The following DHX57 variants were observed in gnomAD, a reference collection of about 807,000 sequenced individuals.
DHX57 encodes the protein putative ATP-dependent RNA helicase DHX57.
Under a neutral mutation model 156.2 loss-of-function variants are expected in DHX57, and 105 were observed. The observed-to-expected ratio is 0.67, with a 90% CI of 0.57 to 0.79. DHX57 has a LOEUF of 0.79. DHX57 is among the 30% of genes least tolerant of loss of function. The pLI, the probability that DHX57 is intolerant of heterozygous loss-of-function variation, is 0.00. For synonymous variants in DHX57, 704 were observed against 595.6 expected, an observed-to-expected ratio of 1.18 and a Z score of -2.65; for missense variants, 1,847 against 1,661.9, an observed-to-expected ratio of 1.11 and a Z score of -1.94.
At chr2:38,850,898 A>G (rs1672552704) in intron 9 of DHX57, among the ~76,000 whole-genome samples, 1 of 151,986 alleles carries the variant, frequency 6.6e-6, no homozygotes, top group Non-Finnish European at 1.5e-5. Flanking sequence ...AACATGGTGA[A>G]ACTCCGACTC....
Position 38,861,779 on chromosome 2 carries a change from C to T in DHX57, c.631G>A (p.Gly211Arg), listed in dbSNP as rs1673235769. The change falls in exon 5 of 24, where the codon GGA becomes AGA. Residue 211 changes from glycine (G) to arginine (R), a missense_variant. Gly to Arg is a moderately radical substitution (Grantham distance 125, BLOSUM62 -2). Transcript: ENST00000457308. ...AVLRMCDGDV[G>R]ASLEHLLTQC... Reference sequence around the variant, plus strand: ...GTAAGGAGATGCTCTAGTGATGCTCCCACATCTCCATCACACATCCTCAGG... The same window carrying T: ...GTAAGGAGATGCTCTAGTGATGCTCTCACATCTCCATCACACATCCTCAGG... 11 of 1,613,952 alleles carry T rather than the reference C, an allele frequency of 6.8e-6. No individual in the cohort carries two copies. Among genetic ancestry groups the T allele is most frequent in the Non-Finnish European group, 7.6e-6 (9 of 1,179,926 alleles).
At position 38,843,001 on chromosome 2, in the gene DHX57, T is replaced by C. The variant is rs1021195022; in HGVS notation, c.2425+4A>G. On this transcript the variant is annotated splice_donor_region_variant and intron_variant, in intron 12 of 23. Transcript: ENST00000457308. ...TTATAATATTCCCCCAAGAGGCATG[T>C]TACCTTTATAGCGGGCCAGGAGCTG... 6.2e-7 allele frequency: 1 copy of C among 1,613,828 alleles called. No individual in the cohort carries two copies. The highest frequency in any genetic ancestry group is 8.5e-7 in the Non-Finnish European group (1 of 1,179,698).
intron 2 of DHX57, among the ~76,000 whole-genome samples, chr2:38,865,627 A>T (rs1196782224): frequency 6.6e-6 from 1 of 152,160 alleles, no homozygotes; most frequent in Non-Finnish European, 1.5e-5. Context: ...AGGATATCTA[A>T]CACCTCACAC....
chr2:38,823,616 A>T (rs992336642), intron 16 of DHX57, among the ~76,000 whole-genome samples: 3 of 152,190 alleles, frequency 2.0e-5, no homozygotes, highest in African/African-American at 7.2e-5. Context: ...TGCAGCCACT[A>T]TGAAAAACAG....
chr2:38,821,454 G>A (rs2148556797), intron 17 of DHX57, among the ~76,000 whole-genome samples: 1 of 152,280 alleles, frequency 6.6e-6, no homozygotes, highest in Non-Finnish European at 1.5e-5. Flanking sequence ...CCAGCACTTT[G>A]GGAGGCTGAG....
intron 5 of DHX57, among the ~76,000 whole-genome samples, chr2:38,859,429 G>T (rs1223716395): frequency 2.0e-5 from 3 of 152,054 alleles, no homozygotes; most frequent in Non-Finnish European, 4.4e-5. Flanking sequence ...GTTTCTTTTG[G>T]GGTTGATGAT....
rs1366077909 is a variant in DHX57 at position 38,868,500 on chromosome 2, T to G, written c.-6-89A>C. ...GCCAAACTTATGAATATAGGCTACTTTAAAGAAACAAAGGAAAATGCATAT... is the reference window on the plus strand; with the variant it reads ...GCCAAACTTATGAATATAGGCTACTGTAAAGAAACAAAGGAAAATGCATAT... On this transcript the variant is annotated intron_variant, in intron 1 of 23. Transcript: ENST00000457308. 3 of 1,306,990 alleles carry G rather than the reference T, an allele frequency of 2.3e-6. No homozygotes were observed. In the African/African-American group the frequency reaches 4.4e-5, roughly 19 times the overall value. The allele number at this position is 1,306,990 out of a possible 1,614,324, so 81.0% of individuals were successfully genotyped here.
chr2:38,855,208 G>A lies in DHX57; in HGVS notation c.1754C>T (p.Ser585Phe). ...TQIPQFILDDSLNGPPEKVAN... is the reference protein window; with the variant it reads ...TQIPQFILDDFLNGPPEKVAN... The stretch of plus-strand genomic sequence containing the variant: ...TACCTTCTCAGGTGGTCCATTCAGA[G>A]AATCATCCAGAATAAACTGCGGAAT... The change falls in exon 8 of 24, where the codon TCT (serine) becomes TTT (phenylalanine). Residue 585 changes from serine to phenylalanine, a missense_variant. Ser to Phe is a radical substitution (Grantham distance 155). Transcript: ENST00000457308. The A allele has an allele frequency of 6.2e-7, 1 of 1,614,142 alleles. No homozygotes were observed. Among genetic ancestry groups the A allele is most frequent in the Non-Finnish European group, 8.5e-7 (1 of 1,180,032 alleles).
intron 12 of DHX57, among the ~76,000 whole-genome samples, chr2:38,842,328 A>T (rs1672051375): frequency 6.6e-6 from 1 of 152,232 alleles, no homozygotes; most frequent in South Asian, 2.1e-4. Flanking sequence ...ACTGAATGTA[A>T]TATATGATCC....
At chr2:38,846,887 A>C (rs1334710346) in intron 11 of DHX57, 132 bp downstream of exon 11, 1 of 554,176 alleles carries the variant, frequency 1.8e-6, no homozygotes, top group Non-Finnish European at 3.1e-6. Context: ...GGGGGTCCCA[A>C]TATGTTGCCC....
intron 19 of DHX57, among the ~76,000 whole-genome samples, chr2:38,816,441 C>G (rs1670552336): frequency 6.6e-6 from 1 of 152,132 alleles, no homozygotes; most frequent in Admixed American, 6.6e-5. Flanking sequence ...CTCTCGAACT[C>G]CTGATCTCAG....
intron 11 of DHX57, among the ~76,000 whole-genome samples, chr2:38,846,198 G>A (rs1383189524): frequency 6.6e-6 from 1 of 152,186 alleles, no homozygotes; most frequent in Non-Finnish European, 1.5e-5. Flanking sequence ...CATGCATTAT[G>A]TGCCAAGCAC....
intron 17 of DHX57, among the ~76,000 whole-genome samples, chr2:38,819,564 G>A (rs1302333035): frequency 6.6e-6 from 1 of 152,188 alleles, no homozygotes; most frequent in Non-Finnish European, 1.5e-5. Flanking sequence ...TGTGGAAAAA[G>A]TGTAATCAGT....
chr2:38,848,583 T>C (rs761100585), intron 9 of DHX57, among the ~76,000 whole-genome samples, 181 bp from the exon 10 acceptor site: 2 of 152,188 alleles, frequency 1.3e-5, no homozygotes, highest in Admixed American at 6.5e-5. Context: ...AGGTTGAATA[T>C]CTGTTATGTG....
At chr2:38,856,019 G>A (rs531873130) in intron 7 of DHX57, among the ~76,000 whole-genome samples, 12 of 152,296 alleles carry the variant, frequency 7.9e-5, no homozygotes, top group African/African-American at 2.6e-4. Context: ...GCTGAGGCAT[G>A]AGAATCACTT....
intron 3 of DHX57, 159 bp downstream of exon 3, chr2:38,863,202 G>C (rs1673327689): frequency 1.3e-6 from 1 of 749,170 alleles, no homozygotes; most frequent in South Asian, 2.5e-5. Context: ...TAAAATTGTG[G>C]CTGAATAATT....
Position 38,826,675 on chromosome 2 carries a change from G to A in DHX57, c.2654C>T (p.Pro885Leu), listed in dbSNP as rs779825210. The A allele has an allele frequency of 6.2e-7, 1 of 1,613,986 alleles. No homozygotes were observed. Among genetic ancestry groups the A allele is most frequent in the Non-Finnish European group, 8.5e-7 (1 of 1,179,916 alleles). The change falls in exon 15 of 24, where the codon CCA becomes CTA. Residue 885 changes from proline (P) to leucine (L), a missense_variant. By Grantham distance (98) the Pro-to-Leu change is moderately conservative (BLOSUM62 -3). Transcript: ENST00000457308. Reference protein sequence around the residue: ...NRRSNRCVIHPLHSSLSSEEQ... With the variant: ...NRRSNRCVIHLLHSSLSSEEQ... ...TTCACTGGATAAAGATGAATGAAGTGGGTGAATAACACATCTGGAAGGAAA... is the reference window on the plus strand; with the variant it reads ...TTCACTGGATAAAGATGAATGAAGTAGGTGAATAACACATCTGGAAGGAAA...
chr2:38,857,150 A>G (rs1131752), intron 6 of DHX57: 34,324 of 154,120 alleles, frequency 0.22, 4,675 homozygotes, highest in Non-Finnish European at 0.29. Context: ...AGCACCTGAA[A>G]TGTGAAGAAT....
At chr2:38,871,402 G>T (rs1234521858) in intron 1 of DHX57, among the ~76,000 whole-genome samples, 1 of 151,860 alleles carries the variant, frequency 6.6e-6, no homozygotes, top group Non-Finnish European at 1.5e-5. Flanking sequence ...AGTATAGTTG[G>T]GTATATAACA....
Sources: allele counts gnomAD v4.1 joint callset (sites outside exome capture counted in the v4.1 genomes callset), GRCh38; gene constraint gnomAD v4.1.1; transcripts MANE v1.5; gene names NCBI Gene and HGNC (gene_info 2026-07-23, HGNC 2026-07-21).